ANAPC1: variants seen among roughly 807,000 people sequenced by gnomAD.
ANAPC1 encodes the protein anaphase promoting complex subunit 1, also known as anaphase-promoting complex subunit 1.
ANAPC1 carries 36 observed loss-of-function variants against 208.0 expected under a neutral mutation model. That is an observed-to-expected ratio of 0.17 (90% CI 0.13 to 0.23). ANAPC1 has a LOEUF of 0.23. Ranked by LOEUF, ANAPC1 falls within the 10% of genes least tolerant of loss-of-function variation. ANAPC1 has a pLI of 1.00. For missense variants in ANAPC1, 942 were observed against 2,011.6 expected (o/e 0.47, Z 10.17); for synonymous variants, 378 against 695.2 (o/e 0.54, Z 7.18).
chr2:111,829,564 T>TA (rs1366922305), intron 21 of ANAPC1, among the ~76,000 whole-genome samples: 2 of 152,178 alleles, frequency 1.3e-5, no homozygotes, highest in Non-Finnish European at 2.9e-5. Context: ...CCAAGAAACT[T>TA]ACCTTATTCA....
In ANAPC1 at chr2:111,868,014, T is replaced by C. The variant is rs1219113258; in HGVS notation, c.685+9A>G. 1 of 1,560,762 alleles carries C rather than the reference T, an allele frequency of 6.4e-7. No homozygotes were observed. The highest frequency in any genetic ancestry group is 1.9e-5 in the Admixed American group (1 of 52,832). Reference sequence around the variant, plus strand: ...GAGCTTATCTAAAAGAATATAGAAATACACTTACTTCCAGATTTACAAACA... The same window carrying C: ...GAGCTTATCTAAAAGAATATAGAAACACACTTACTTCCAGATTTACAAACA... On this transcript the variant is annotated intron_variant, in intron 7 of 47. Transcript: ENST00000341068.
At chr2:111,787,565 A>G (rs1677630586) in intron 39 of ANAPC1, among the ~76,000 whole-genome samples, 1 of 152,234 alleles carries the variant, frequency 6.6e-6, no homozygotes, top group Non-Finnish European at 1.5e-5. Context: ...AGTTGAGCAC[A>G]GGGCTCAGGT....
chr2:111,853,932 G>C (rs1450511162), intron 13 of ANAPC1, among the ~76,000 whole-genome samples: 4 of 152,038 alleles, frequency 2.6e-5, no homozygotes, highest in African/African-American at 9.7e-5. Context: ...TAGCCAGGAT[G>C]GTCTCGATCT....
intron 18 of ANAPC1, among the ~76,000 whole-genome samples, chr2:111,835,402 G>C (rs1226094916): frequency 1.3e-5 from 2 of 152,156 alleles, no homozygotes; most frequent in African/African-American, 4.8e-5. Context: ...GGTTCTACTT[G>C]TGATTTACTG....
In ANAPC1 at chr2:111,795,369, G is replaced by A. The variant is rs1173771969; in HGVS notation, c.4297-475C>T. ...TGCACTCCAGCCTGGGTGATAGAGT[G>A]AGACTCCATCTCAAAAAAAAAAATA... On this transcript the variant is annotated intron_variant, in intron 34 of 47. Coordinates refer to ENST00000341068, the MANE Select transcript of ANAPC1 (RefSeq NM_022662.4). 4.1e-5 allele frequency among the ~76,000 whole-genome samples: 6 copies of A among 147,794 alleles called. 1 individual carries two copies. The highest frequency in any genetic ancestry group is 3.4e-4 in the Admixed American group (5 of 14,664).
chr2:111,798,600 T>A (rs537558629), intron 34 of ANAPC1, among the ~76,000 whole-genome samples: 1 of 151,990 alleles, frequency 6.6e-6, no homozygotes, highest in Non-Finnish European at 1.5e-5. Flanking sequence ...GACAAATGGT[T>A]TTTTTCATAG....
In ANAPC1 at chr2:111,847,725, C is replaced by T. The variant is rs4848197; in HGVS notation, c.1791G>A (p.Leu597=). The change falls in exon 15 of 48, where the codon CTG becomes CTA. Residue 597 remains leucine (L), a splice_region_variant and synonymous_variant. Transcript: ENST00000341068. ...IRDPVHNRVT[L]ELSNGSMVRI... is the part of the protein sequence containing the mutation. ...AAAGCTACCAAATGTTTATACTTACCAGGGTGACTCTGTTATGGACAGGAT... is the reference window on the plus strand; with the variant it reads ...AAAGCTACCAAATGTTTATACTTACTAGGGTGACTCTGTTATGGACAGGAT... 827,145 of 1,272,058 alleles carry T rather than the reference C, an allele frequency of 0.65. 299,396 individuals carry two copies. Among genetic ancestry groups the T allele is most frequent in the South Asian group, 0.69 (45,181 of 65,538 alleles). 78.8% of individuals were successfully genotyped at this position (1,272,058 alleles called of 1,614,324 possible). A position where few individuals can be genotyped will look rare whatever the true frequency, so the allele number is the denominator to read the frequency against.
rs183477115 is a variant in ANAPC1, at chr2:111,843,619, A to G, written c.1853-20T>C. On this transcript the variant is annotated intron_variant, in intron 16 of 47. Coordinates refer to ENST00000341068, the MANE Select transcript of ANAPC1 (RefSeq NM_022662.4). ...TTTGTACTATTAAAAGCAAAGATTA[A>G]TTTTAGTATTCTTACTCTGCATGCA... The G allele has an allele frequency of 0.013, 19,847 of 1,587,286 alleles. 229 individuals are homozygous for G. Among genetic ancestry groups the G allele is most frequent in the South Asian group, 0.037 (3,213 of 87,990 alleles).
chr2:111,823,137 G>T (rs910450354), intron 24 of ANAPC1, among the ~76,000 whole-genome samples: 1 of 149,348 alleles, frequency 6.7e-6, no homozygotes, highest in Admixed American at 6.7e-5. Flanking sequence ...AGCCTCCCGA[G>T]TAGCTGGGAC....
chr2:111,794,307 T>C lies in ANAPC1; in HGVS notation c.4390A>G (p.Ile1464Val), dbSNP rs745808341. The C allele has an allele frequency of 1.5e-5, 24 of 1,610,340 alleles. No individual in the cohort carries two copies. Among genetic ancestry groups the C allele is most frequent in the Non-Finnish European group, 2.0e-5 (23 of 1,178,832 alleles). Residue 1464 changes from isoleucine (I) to valine (V), a missense_variant, in exon 36 of 48, where the codon ATA (isoleucine) becomes GTA (valine). Physicochemically the swap from Ile to Val is conservative, Grantham distance 29. Coordinates refer to ENST00000341068, the MANE Select transcript of ANAPC1 (RefSeq NM_022662.4). ...AGAGACAAGCAGGCTCCTGCAATTA[T>C]GTAGACATGTGCTTGGCTGAAAACA... ...LETLSQAHVY[I>V]IAGACLSLGF...
At chr2:111,873,738 T>G (rs1682883061) in intron 3 of ANAPC1, 74 bp from the exon 4 acceptor site, 1 of 1,421,896 alleles carries the variant, frequency 7.0e-7, no homozygotes. Context: ...GGCATCTAAA[T>G]AATAATAATA....
At chr2:111,826,222 CAT>C (rs2104444508) in intron 21 of ANAPC1, among the ~76,000 whole-genome samples, 1 of 152,268 alleles carries the variant, frequency 6.6e-6, no homozygotes, top group African/African-American at 2.4e-5. Context: ...ATAATTATAA[CAT>C]AGAATAATTC....
intron 3 of ANAPC1, among the ~76,000 whole-genome samples, chr2:111,876,269 CA>C (rs77199811): frequency 1.3e-4 from 19 of 149,350 alleles, no homozygotes; most frequent in African/African-American, 4.2e-4. Context: ...AAAGAACAAC[CA>C]AAAAAAAAAT....
At chr2:111,848,923 G>C (rs1211640721) in intron 14 of ANAPC1, among the ~76,000 whole-genome samples, 2 of 152,094 alleles carry the variant, frequency 1.3e-5, no homozygotes, top group Admixed American at 1.3e-4. Context: ...AAAAATACAG[G>C]AACAGTATTT....
At position 111,845,128 on chromosome 2, in the gene ANAPC1, A is replaced by G. The variant is rs1393677267; in HGVS notation, c.1853-1529T>C. On this transcript the variant is annotated intron_variant, in intron 16 of 47. Transcript: ENST00000341068. The stretch of plus-strand genomic sequence containing the variant: ...CTTCCAAAGGGAGGGGATTACAAGC[A>G]TGAGCCCACCACACCTGGCCTTATA... Among the ~76,000 whole-genome samples the G allele has an allele frequency of 5.9e-5, 9 of 152,324 alleles. No homozygotes were observed. The South Asian group carries it at 1.7e-3, about 28-fold the overall frequency.
chr2:111,832,594 A>G (rs1031448513), intron 20 of ANAPC1, among the ~76,000 whole-genome samples: 1 of 152,156 alleles, frequency 6.6e-6, no homozygotes, highest in Non-Finnish European at 1.5e-5. Flanking sequence ...TAAGTAGCAT[A>G]TGGTTAGTGG....
rs191913312 is a variant in ANAPC1 at position 111,866,190 on chromosome 2, C to A, written c.686-1239G>T. The A allele has an allele frequency of 1.7e-4, 44 of 259,956 alleles. 1 individual carries two copies. The East Asian group carries it at 5.2e-3, about 31-fold the overall frequency. 16.1% of individuals were successfully genotyped at this position (259,956 alleles called of 1,614,324 possible). On this transcript the variant is annotated intron_variant, in intron 7 of 47. Coordinates refer to ENST00000341068, the MANE Select transcript of ANAPC1 (RefSeq NM_022662.4). ...CTGCACTCCAGCCTGGGCAACAGAG[C>A]GAGACTCTGTCTCAAAAAAAAAAAA...
intron 47 of ANAPC1, among the ~76,000 whole-genome samples, chr2:111,771,993 GATT>G (rs1381655098): frequency 6.8e-6 from 1 of 147,674 alleles, no homozygotes; most frequent in African/African-American, 2.5e-5. Flanking sequence ...TAGAAATTAA[GATT>G]ATATGTGATT....
intron 17 of ANAPC1, among the ~76,000 whole-genome samples, chr2:111,839,436 A>G (rs1400660592): frequency 1.3e-5 from 2 of 152,166 alleles, no homozygotes; most frequent in Non-Finnish European, 2.9e-5. Flanking sequence ...GCTACTTCAC[A>G]TGGGCATTGA....
Sources: allele counts gnomAD v4.1 joint callset (sites outside exome capture counted in the v4.1 genomes callset), GRCh38; gene constraint gnomAD v4.1.1; transcripts MANE v1.5; gene names NCBI Gene and HGNC (gene_info 2026-07-23, HGNC 2026-07-21).